The following GALNT10 variants were observed in gnomAD, a reference collection of about 807,000 sequenced individuals.
The protein encoded by GALNT10 is polypeptide N-acetylgalactosaminyltransferase 10, also known as GalNAc transferase 10.
GALNT10 carries 41 observed loss-of-function variants against 75.0 expected under a neutral mutation model. That is an observed-to-expected ratio of 0.55 (90% confidence interval 0.43 to 0.71). GALNT10 has a LOEUF of 0.71. Among genes scored for constraint, GALNT10 ranks in the 30% least tolerant of loss-of-function variants. The pLI, the probability that GALNT10 is intolerant of heterozygous loss-of-function variation, is 0.00. For synonymous variants in GALNT10, 302 were observed against 313.0 expected (o/e 0.96, Z 0.37); for missense variants, 727 against 818.5 (o/e 0.89, Z 1.36).
At chr5:154,277,261 A>T (rs1753966471) in intron 1 of GALNT10, among the ~76,000 whole-genome samples, 1 of 151,482 alleles carries the variant, frequency 6.6e-6, no homozygotes, top group Admixed American at 6.6e-5. Context: ...CACATGTCTT[A>T]TCTTCTGCTT....
intron 4 of GALNT10, among the ~76,000 whole-genome samples, chr5:154,333,570 C>T (rs1754898410): frequency 6.6e-6 from 1 of 152,118 alleles, no homozygotes; most frequent in African/African-American, 2.4e-5. Context: ...CCTCCCCCAC[C>T]AGTAAAGTAT....
At position 154,404,170 on chromosome 5, in the gene GALNT10, T is replaced by C; in HGVS notation, c.1123T>C (p.Tyr375His). 1 of 1,612,210 alleles carries C rather than the reference T, an allele frequency of 6.2e-7. No individual in the cohort carries two copies. Among genetic ancestry groups the C allele is most frequent in the Non-Finnish European group, 8.5e-7 (1 of 1,178,918 alleles). The change falls in exon 8 of 12, where the codon TAT becomes CAT. Residue 375 changes from tyrosine to histidine, a missense_variant. By Grantham distance (83) the Tyr-to-His change is moderately conservative. Coordinates refer to ENST00000297107, the MANE Select transcript of GALNT10 (RefSeq NM_198321.4). Reference protein sequence around the residue: ...CSRVGHIYRKYVPYKVPAGVS... With the variant: ...CSRVGHIYRKHVPYKVPAGVS... Reference sequence around the variant, plus strand: ...CAGGGTGGGCCATATCTACAGGAAGTATGTGCCCTACAAGGTCCCGGCCGG... The same window carrying C: ...CAGGGTGGGCCATATCTACAGGAAGCATGTGCCCTACAAGGTCCCGGCCGG...
intron 1 of GALNT10, chr5:154,219,486 C>G (rs571774636): frequency 1.6e-4 from 25 of 152,508 alleles, no homozygotes; most frequent in African/African-American, 5.5e-4. Context: ...TCTAGCACAC[C>G]TCCTGCCACA....
intron 4 of GALNT10, chr5:154,337,440 T>C: frequency 1.5e-6 from 1 of 662,024 alleles, no homozygotes. Context: ...TATCCTCTCC[T>C]GCTAAGCTTT....
At chr5:154,378,914 C>T (rs1446043466) in intron 5 of GALNT10, among the ~76,000 whole-genome samples, 2 of 151,420 alleles carry the variant, frequency 1.3e-5, no homozygotes, top group African/African-American at 4.9e-5. Flanking sequence ...AAATGGGAGG[C>T]CCTACTCTAA....
At position 154,277,344 on chromosome 5, in the gene GALNT10, A is replaced by G. The variant is rs567326856; in HGVS notation, c.160-17472A>G. Reference sequence around the variant, plus strand: ...GGAGGAAGAAGGATGAGAAATAAGTATGAAAGAGTACAAGTCTCTCGAAGC... The same window carrying G: ...GGAGGAAGAAGGATGAGAAATAAGTGTGAAAGAGTACAAGTCTCTCGAAGC... On this transcript the variant is annotated intron_variant, in intron 1 of 11. Coordinates refer to ENST00000297107, the MANE Select transcript of GALNT10 (RefSeq NM_198321.4). Among the ~76,000 whole-genome samples the G allele has an allele frequency of 4.7e-4, 72 of 152,066 alleles. 1 individual carries two copies. In the South Asian group the frequency reaches 0.015, roughly 32 times the overall value.
At chr5:154,403,124 T>C (rs1756203657) in intron 7 of GALNT10, among the ~76,000 whole-genome samples, 1 of 152,192 alleles carries the variant, frequency 6.6e-6, no homozygotes, top group African/African-American at 2.4e-5. Context: ...AAACTGAGTC[T>C]CAGAGAAGTT....
At chr5:154,275,626 C>A (rs1326029162) in intron 1 of GALNT10, among the ~76,000 whole-genome samples, 3 of 152,224 alleles carry the variant, frequency 2.0e-5, no homozygotes, top group African/African-American at 7.2e-5. Flanking sequence ...CCAGGTGGGT[C>A]AGCAGGGGCC....
chr5:154,198,554 C>T (rs1774980320), intron 1 of GALNT10, among the ~76,000 whole-genome samples: 1 of 152,190 alleles, frequency 6.6e-6, no homozygotes, highest in African/African-American at 2.4e-5. Flanking sequence ...CAGGTGGGTG[C>T]AGTCTCTGAT....
chr5:154,329,008 T>C (rs1436575200), intron 3 of GALNT10, among the ~76,000 whole-genome samples: 1 of 152,132 alleles, frequency 6.6e-6, no homozygotes, highest in Non-Finnish European at 1.5e-5. Flanking sequence ...CTTCTAATTA[T>C]GGCATGTTCT....
chr5:154,288,417 TG>T (rs386352780), intron 1 of GALNT10, among the ~76,000 whole-genome samples: 2 of 129,932 alleles, frequency 1.5e-5, no homozygotes, highest in East Asian at 1.9e-4. Flanking sequence ...TTTGTGTGTG[TG>T]TGTGTGTGTG....
chr5:154,391,560 CTCCAGCTAGGTTCA>C (rs1242744010), intron 7 of GALNT10, among the ~76,000 whole-genome samples: 4 of 152,264 alleles, frequency 2.6e-5, no homozygotes, highest in Non-Finnish European at 5.9e-5. Context: ...CATAGCCTAG[CTCCAGCTAGGTTCA>C]TGAGCTGGCC....
Position 154,243,588 on chromosome 5 carries a change from G to T in GALNT10, c.160-51228G>T, listed in dbSNP as rs573189844. ...CTTGAGCAAATTATTTAACCACTCT[G>T]TGTCTCAGTTTTCTCATCTATAAAA... is the stretch of plus-strand genomic sequence containing the variant. On this transcript the variant is annotated intron_variant, in intron 1 of 11. Transcript: ENST00000297107. Among the ~76,000 whole-genome samples the T allele has an allele frequency of 2.7e-4, 28 of 102,650 alleles. No individual in the cohort carries two copies. The East Asian group carries it at 4.6e-3, about 17-fold the overall frequency. 67.3% of individuals were successfully genotyped at this position (102,650 alleles called of 152,430 possible). A position where few individuals can be genotyped will look rare whatever the true frequency, so the allele number is the denominator to read the frequency against.
intron 1 of GALNT10, among the ~76,000 whole-genome samples, chr5:154,218,755 C>A (rs1752922354): frequency 2.0e-5 from 3 of 151,998 alleles, no homozygotes; most frequent in Admixed American, 2.0e-4. Context: ...GGAAGAAGTT[C>A]CTGTTCTGTA....
chr5:154,291,036 A>C (rs1754187241), intron 1 of GALNT10, among the ~76,000 whole-genome samples: 1 of 152,134 alleles, frequency 6.6e-6, no homozygotes, highest in Non-Finnish European at 1.5e-5. Flanking sequence ...ATCTCTGCAG[A>C]CCCTGGGAGG....
rs1289665137 is a variant in GALNT10, at chr5:154,309,915, A to G, written c.401+11836A>G. ...TGTGTTTTTATTGTGGTTTTAATTA[A>G]CTCACCTTCCTAGAATATCAGGAAA... On this transcript the variant is annotated intron_variant, in intron 3 of 11. Transcript: ENST00000297107. Among the ~76,000 whole-genome samples the G allele has an allele frequency of 2.6e-5, 4 of 152,256 alleles. No homozygotes were observed. The South Asian group carries it at 8.3e-4, about 32-fold the overall frequency.
intron 1 of GALNT10, among the ~76,000 whole-genome samples, chr5:154,198,464 TTG>T (rs1396655248): frequency 6.6e-6 from 1 of 152,296 alleles, no homozygotes; most frequent in East Asian, 1.9e-4. Context: ...CTGCATAACA[TTG>T]TCTTTGTCTA....
chr5:154,268,144 T>C (rs780475225), intron 1 of GALNT10, among the ~76,000 whole-genome samples: 18 of 152,154 alleles, frequency 1.2e-4, no homozygotes, highest in Non-Finnish European at 2.5e-4. Context: ...AGATGGTACA[T>C]ACAATTAACA....
At chr5:154,398,174 A>T (rs967628972) in intron 7 of GALNT10, among the ~76,000 whole-genome samples, 1 of 152,196 alleles carries the variant, frequency 6.6e-6, no homozygotes, top group Non-Finnish European at 1.5e-5. Context: ...AGCTAGCAGG[A>T]TATGTTTGGG....
Sources: allele counts gnomAD v4.1 joint callset (sites outside exome capture counted in the v4.1 genomes callset), GRCh38; gene constraint gnomAD v4.1.1; transcripts MANE v1.5; gene names NCBI Gene and HGNC (gene_info 2026-07-23, HGNC 2026-07-21).